KHDRBS2: variants seen among roughly 807,000 people sequenced by gnomAD.
The protein encoded by KHDRBS2 is KH domain-containing, RNA-binding, signal transduction-associated protein 2.
In KHDRBS2, 26 loss-of-function variants were observed where a neutral mutation model predicts 44.3. The observed-to-expected ratio is 0.59, with a 90% CI of 0.43 to 0.81. The LOEUF is 0.81. KHDRBS2 is among the 40% of genes least tolerant of loss of function. The pLI, the probability that KHDRBS2 is intolerant of heterozygous loss-of-function variation, is 0.00. For synonymous variants in KHDRBS2, 194 were observed against 151.1 expected, an observed-to-expected ratio of 1.28 and a Z score of -2.08; for missense variants, 476 against 433.1, an observed-to-expected ratio of 1.10 and a Z score of -0.88.
intron 1 of KHDRBS2, among the ~76,000 whole-genome samples, chr6:62,239,298 C>G (rs1316915176): frequency 6.6e-6 from 1 of 152,144 alleles, no homozygotes; most frequent in African/African-American, 2.4e-5. Context: ...TATGGCTGAG[C>G]ACGGTGGCTG....
chr6:61,694,819 A>T (rs1198038708), intron 8 of KHDRBS2, among the ~76,000 whole-genome samples: 1 of 152,170 alleles, frequency 6.6e-6, no homozygotes, highest in African/African-American at 2.4e-5. Flanking sequence ...CAGCTTATCA[A>T]CTGAGCCAGA....
the KHDRBS2 span, among the ~76,000 whole-genome samples, chr6:61,603,757 G>A: frequency 4.7e-4 from 71 of 152,116 alleles, no homozygotes; most frequent in African/African-American, 1.5e-3. Flanking sequence ...CTCACTCTTT[G>A]TTGAGCCTCC....
chr6:61,863,065 A>G (rs965543091), intron 6 of KHDRBS2, among the ~76,000 whole-genome samples: 3 of 151,946 alleles, frequency 2.0e-5, no homozygotes, highest in African/African-American at 4.8e-5. Context: ...TTTGTTATTT[A>G]TATGTATAGA....
chr6:62,195,585 A>T (rs1340687313), intron 1 of KHDRBS2, among the ~76,000 whole-genome samples: 1 of 152,180 alleles, frequency 6.6e-6, no homozygotes, highest in Non-Finnish European at 1.5e-5. Flanking sequence ...TAGTAAAATT[A>T]AAATTAATAC....
the KHDRBS2 span, among the ~76,000 whole-genome samples, chr6:61,598,073 C>A: frequency 4.6e-5 from 7 of 150,686 alleles, no homozygotes; most frequent in Non-Finnish European, 8.9e-5. Flanking sequence ...GGAGCAGTGT[C>A]TCCCCCACCT....
the KHDRBS2 span, among the ~76,000 whole-genome samples, chr6:61,645,347 A>G: frequency 1.3e-5 from 2 of 152,040 alleles, no homozygotes; most frequent in African/African-American, 4.8e-5. Context: ...GAGGATCAGA[A>G]AACTAACTAT....
intron 4 of KHDRBS2, among the ~76,000 whole-genome samples, chr6:61,969,011 C>A (rs1366628083): frequency 6.6e-6 from 1 of 151,886 alleles, no homozygotes; most frequent in South Asian, 2.1e-4. Context: ...GCCTTAGAAA[C>A]CTGTTAATTG....
chr6:62,008,965 C>T (rs1053755250), intron 3 of KHDRBS2, among the ~76,000 whole-genome samples: 3 of 151,866 alleles, frequency 2.0e-5, no homozygotes, highest in African/African-American at 4.8e-5. Flanking sequence ...TAAATTGGTG[C>T]CAGTAGAGTG....
At chr6:61,597,732 T>TTATA in the KHDRBS2 span, among the ~76,000 whole-genome samples, 133 of 37,376 alleles carry the variant, frequency 3.6e-3, 14 homozygotes, top group Non-Finnish European at 5.2e-3. Flanking sequence ...TTTGCACCTT[T>TTATA]TATATATATA....
intron 6 of KHDRBS2, among the ~76,000 whole-genome samples, chr6:61,835,249 T>G (rs2127266116): frequency 6.6e-6 from 1 of 152,220 alleles, no homozygotes; most frequent in Non-Finnish European, 1.5e-5. Context: ...TTGAAGAAAG[T>G]TCCTGAAAAT....
the KHDRBS2 span, among the ~76,000 whole-genome samples, chr6:61,544,917 C>G: frequency 6.6e-6 from 1 of 151,984 alleles, no homozygotes; most frequent in Non-Finnish European, 1.5e-5. Flanking sequence ...ACATCACACA[C>G]TGGGGCCTGT....
At position 61,717,865 on chromosome 6, in the gene KHDRBS2, C is replaced by T. The variant is rs532838628; in HGVS notation, c.893+14817G>A. ...TTTTCTTATATTAAATGCATATTCT[C>T]TCTGGCCTTTTGAGGTACATAACAG... On this transcript the variant is annotated intron_variant, in intron 7 of 8. Coordinates refer to ENST00000281156, the MANE Select transcript of KHDRBS2 (RefSeq NM_152688.4). Among the ~76,000 whole-genome samples, 3 of 152,086 alleles carry T rather than the reference C, an allele frequency of 2.0e-5. No individual in the cohort carries two copies. The South Asian group carries it at 6.2e-4, about 32-fold the overall frequency.
chr6:61,901,033 A>C (rs1432748850), intron 5 of KHDRBS2, among the ~76,000 whole-genome samples: 2 of 152,130 alleles, frequency 1.3e-5, no homozygotes, highest in African/African-American at 2.4e-5. Context: ...TCACCTGCAG[A>C]TGCTATTTAT....
At chr6:61,886,084 C>T (rs1193351790) in intron 6 of KHDRBS2, among the ~76,000 whole-genome samples, 1 of 152,088 alleles carries the variant, frequency 6.6e-6, no homozygotes, top group African/African-American at 2.4e-5. Flanking sequence ...TGTTAATTCC[C>T]TAAATCTTCT....
intron 1 of KHDRBS2, among the ~76,000 whole-genome samples, chr6:62,243,214 G>T (rs1380786359): frequency 1.3e-5 from 2 of 151,814 alleles, no homozygotes; most frequent in East Asian, 3.9e-4. Flanking sequence ...ATGTATGTAT[G>T]TATCTATCTA....
At chr6:62,174,558 T>C (rs182079371) in intron 2 of KHDRBS2, among the ~76,000 whole-genome samples, 35 of 151,936 alleles carry the variant, frequency 2.3e-4, no homozygotes, top group African/African-American at 8.2e-4. Flanking sequence ...TTCAATTTCT[T>C]GTAGCATTCA....
chr6:61,851,761 A>C (rs968565409), intron 6 of KHDRBS2, among the ~76,000 whole-genome samples: 1 of 152,222 alleles, frequency 6.6e-6, no homozygotes, highest in African/African-American at 2.4e-5. Context: ...GTGAACTATA[A>C]TACAGATGTG....
intron 1 of KHDRBS2, among the ~76,000 whole-genome samples, chr6:62,283,167 A>T (rs888383889): frequency 6.6e-6 from 1 of 152,188 alleles, no homozygotes; most frequent in Admixed American, 6.5e-5. Flanking sequence ...TTATTTAAGC[A>T]TATTATAAAC....
At chr6:62,157,762 A>C (rs1323933878) in intron 2 of KHDRBS2, among the ~76,000 whole-genome samples, 1 of 152,210 alleles carries the variant, frequency 6.6e-6, no homozygotes, top group Middle Eastern at 3.2e-3. Flanking sequence ...TTGAACAAAG[A>C]AGCAGCATAA....
Sources: gnomAD v4.1 joint callset for allele counts (sites outside exome capture counted in the v4.1 genomes callset) on GRCh38, gnomAD v4.1.1 for gene constraint, MANE v1.5 for transcripts, NCBI Gene and HGNC (gene_info 2026-07-23, HGNC 2026-07-21) for gene names.